ZSWIM6: variants seen among roughly 807,000 people sequenced by gnomAD.
ZSWIM6 encodes zinc finger SWIM domain-containing protein 6.
Under a neutral mutation model 113.2 loss-of-function variants are expected in ZSWIM6, and 9 were observed. The ratio of observed to expected loss-of-function variants is 0.08; its 90% CI spans 0.05 to 0.14. The LOEUF is 0.14. Among genes scored for constraint, ZSWIM6 ranks in the 10% least tolerant of loss-of-function variants. The pLI is 1.00. For missense variants in ZSWIM6, 1,162 were observed against 1,552.2 expected, an observed-to-expected ratio of 0.75 and a Z score of 4.22; for synonymous variants, 611 against 606.5, an observed-to-expected ratio of 1.01 and a Z score of -0.11.
At chr5:61,525,714 T>C in intron 5 of ZSWIM6, 86 bp from the exon 6 acceptor site, 1 of 1,474,726 alleles carries the variant, frequency 6.8e-7, no homozygotes, top group Non-Finnish European at 9.2e-7. Flanking sequence ...GGTGTGTTCA[T>C]GAACATCTGG....
chr5:61,541,065 C>A (rs555371994), intron 12 of ZSWIM6, among the ~76,000 whole-genome samples: 1 of 151,646 alleles, frequency 6.6e-6, no homozygotes, highest in African/African-American at 2.4e-5. Flanking sequence ...TACTTCAGCC[C>A]CCTGAGTAGC....
At chr5:61,500,581 C>T (rs967162164) in intron 4 of ZSWIM6, among the ~76,000 whole-genome samples, 11 of 152,126 alleles carry the variant, frequency 7.2e-5, no homozygotes, top group African/African-American at 2.4e-4. Flanking sequence ...TCCTGACTAC[C>T]ATAGTCCGCT....
intron 1 of ZSWIM6, among the ~76,000 whole-genome samples, chr5:61,403,577 G>T (rs1316923316): frequency 6.6e-6 from 1 of 152,150 alleles, no homozygotes; most frequent in African/African-American, 2.4e-5. Context: ...ATGGAGGCCA[G>T]GGAAGAAGGA....
Position 61,391,840 on chromosome 5 carries a change from T to C in ZSWIM6, c.676+58892T>C, listed in dbSNP as rs183732815. On this transcript the variant is annotated intron_variant, in intron 1 of 13. Transcript: ENST00000252744. Reference sequence around the variant, plus strand: ...CTGAGGCAGGAAGCCGAGGGACCCATGTCTGGGAGCGGAGAACCTTCTGTG... The same window carrying C: ...CTGAGGCAGGAAGCCGAGGGACCCACGTCTGGGAGCGGAGAACCTTCTGTG... The C allele has an allele frequency of 4.1e-5, 30 of 740,604 alleles. No homozygotes were observed. In the East Asian group the frequency reaches 7.4e-4, roughly 18 times the overall value. The allele number at this position is 740,604 out of a possible 1,614,324, so 45.9% of individuals were successfully genotyped here.
At chr5:61,539,073 C>CA in intron 11 of ZSWIM6, 102 bp downstream of exon 11, 1 of 1,293,276 alleles carries the variant, frequency 7.7e-7, no homozygotes, top group Non-Finnish European at 1.0e-6. Context: ...GTGTTAATGT[C>CA]AGATAGGTTG....
rs1471080999 is a variant in ZSWIM6 at position 61,472,430 on chromosome 5, C to T, written c.677-251C>T. On this transcript the variant is annotated intron_variant, in intron 1 of 13. Coordinates refer to ENST00000252744, the MANE Select transcript of ZSWIM6 (RefSeq NM_020928.2). This position sits in a 1 kb window ranked among gnomAD's most constrained non-coding sequence, Gnocchi z 4.1. ...CTATAGGTATGATGGTGTTGTATGG[C>T]AATATATGTTTTCATATGGCTGTGT... 2.6e-5 allele frequency among the ~76,000 whole-genome samples: 4 copies of T among 152,100 alleles called. No homozygotes were observed. Among genetic ancestry groups the T allele is most frequent in the African/African-American group, 9.7e-5 (4 of 41,420 alleles).
chr5:61,363,251 TATC>T (rs1745070408), intron 1 of ZSWIM6, among the ~76,000 whole-genome samples: 1 of 152,240 alleles, frequency 6.6e-6, no homozygotes. Flanking sequence ...TTTACAAGGC[TATC>T]CATACAAGAA....
In ZSWIM6 at chr5:61,528,990, A is replaced by G. The variant is rs544676235; in HGVS notation, c.1838-1062A>G. ...GCTCTTCAGATATTTACATGGCAATATTTTTCTTGTATATTTTATATTGTA... is the reference window on the plus strand; with the variant it reads ...GCTCTTCAGATATTTACATGGCAATGTTTTTCTTGTATATTTTATATTGTA... On this transcript the variant is annotated intron_variant, in intron 7 of 13. Coordinates refer to ENST00000252744, the MANE Select transcript of ZSWIM6 (RefSeq NM_020928.2). 2.0e-5 allele frequency among the ~76,000 whole-genome samples: 3 copies of G among 152,246 alleles called. No individual in the cohort carries two copies. The South Asian group carries it at 6.2e-4, about 32-fold the overall frequency.
At chr5:61,450,331 G>C (rs1055134610) in intron 1 of ZSWIM6, among the ~76,000 whole-genome samples, 2 of 152,200 alleles carry the variant, frequency 1.3e-5, no homozygotes, top group African/African-American at 4.8e-5. Flanking sequence ...GTGAAAAATA[G>C]ATGGCTGTGG....
chr5:61,474,618 A>C (rs1265973950), intron 2 of ZSWIM6, among the ~76,000 whole-genome samples: 1 of 152,206 alleles, frequency 6.6e-6, no homozygotes, highest in East Asian at 1.9e-4. Context: ...AACATAGCTC[A>C]AAACACTAGT....
intron 1 of ZSWIM6, among the ~76,000 whole-genome samples, chr5:61,340,077 C>T (rs1344749864): frequency 2.0e-5 from 3 of 152,120 alleles, no homozygotes; most frequent in Non-Finnish European, 2.9e-5. Context: ...GCTTTCAGTG[C>T]CCTGTGTTCC....
chr5:61,410,215 C>T (rs1351242494), intron 1 of ZSWIM6, among the ~76,000 whole-genome samples: 3 of 152,118 alleles, frequency 2.0e-5, no homozygotes, highest in Admixed American at 2.0e-4. Flanking sequence ...CCCTAAATTA[C>T]CCCGGTACTC....
intron 1 of ZSWIM6, chr5:61,375,484 G>A: frequency 6.4e-7 from 1 of 1,554,988 alleles, no homozygotes; most frequent in Non-Finnish European, 8.7e-7. Context: ...TGAAGATGAG[G>A]ATAAGAAACA....
At chr5:61,432,960 G>A (rs1746618237) in intron 1 of ZSWIM6, among the ~76,000 whole-genome samples, 1 of 152,046 alleles carries the variant, frequency 6.6e-6, no homozygotes, top group African/African-American at 2.4e-5. Flanking sequence ...CATATAGAAG[G>A]AAAGAACACA....
chr5:61,354,181 A>T (rs141990395), intron 1 of ZSWIM6, among the ~76,000 whole-genome samples: 1 of 152,308 alleles, frequency 6.6e-6, no homozygotes, highest in Non-Finnish European at 1.5e-5. Flanking sequence ...TGCTCAGATT[A>T]ACTGCCTGCG....
At chr5:61,458,472 A>G (rs990114615) in intron 1 of ZSWIM6, among the ~76,000 whole-genome samples, 1 of 152,212 alleles carries the variant, frequency 6.6e-6, no homozygotes, top group African/African-American at 2.4e-5. Flanking sequence ...TTGGAGGGGA[A>G]CATCTGTTGC....
intron 1 of ZSWIM6, among the ~76,000 whole-genome samples, chr5:61,461,456 A>G (rs970451833): frequency 3.9e-5 from 6 of 152,356 alleles, no homozygotes; most frequent in East Asian, 3.9e-4. Flanking sequence ...ATTAGAATCA[A>G]GAGTCCCAGT....
At chr5:61,404,159 C>T (rs1440661453) in intron 1 of ZSWIM6, among the ~76,000 whole-genome samples, 3 of 152,118 alleles carry the variant, frequency 2.0e-5, no homozygotes, top group African/African-American at 4.8e-5. Flanking sequence ...AGGCGCCTGC[C>T]ACCACGCCCG....
intron 4 of ZSWIM6, among the ~76,000 whole-genome samples, chr5:61,511,562 G>C (rs1434613015): frequency 6.6e-6 from 1 of 152,118 alleles, no homozygotes; most frequent in African/African-American, 2.4e-5. Flanking sequence ...AAGCCCTCGT[G>C]AATGTGATTA....
Sources: allele counts gnomAD v4.1 joint callset (sites outside exome capture counted in the v4.1 genomes callset), GRCh38; gene constraint gnomAD v4.1.1; non-coding constraint Gnocchi (gnomAD v3.1); transcripts MANE v1.5; gene names NCBI Gene and HGNC (gene_info 2026-07-23, HGNC 2026-07-21).